Variants in TIA1 observed in about 807,000 individuals in gnomAD.
TIA1 encodes cytotoxic granule associated RNA binding protein TIA1.
In TIA1, 23 loss-of-function variants were observed where a neutral mutation model predicts 65.9. The observed-to-expected ratio is 0.35, with a 90% CI of 0.25 to 0.49. The LOEUF (loss-of-function observed/expected upper bound fraction) is 0.49. TIA1 is among the 20% of genes least tolerant of loss of function. The pLI is 0.98. For missense variants in TIA1, 371 were observed against 477.9 expected (o/e 0.78, Z 2.09); for synonymous variants, 147 against 149.4 (o/e 0.98, Z 0.12).
At position 70,240,764 on chromosome 2, in the gene TIA1, T is replaced by A. The variant is rs914208041; in HGVS notation, c.27-4589A>T. Among the ~76,000 whole-genome samples, 4 of 152,146 alleles carry A rather than the reference T, an allele frequency of 2.6e-5. No homozygotes were observed. The East Asian group carries it at 7.7e-4, about 29-fold the overall frequency. On this transcript the variant is annotated intron_variant, in intron 1 of 12. Coordinates refer to ENST00000433529, the MANE Select transcript of TIA1 (RefSeq NM_022173.4). Reference sequence around the variant, plus strand: ...GCGCATGCCTGTAATCCCAGCTACCTGGGAAGGGGAGGCACAAGAATCACT... The same window carrying A: ...GCGCATGCCTGTAATCCCAGCTACCAGGGAAGGGGAGGCACAAGAATCACT...
chr2:70,212,560 T>C lies in TIA1; in HGVS notation c.*159A>G, dbSNP rs1239801700. On this transcript the variant is annotated 3_prime_UTR_variant, in exon 13 of 13. Coordinates refer to ENST00000433529, the MANE Select transcript of TIA1 (RefSeq NM_022173.4). ...CATCTTGTTTCTTTTTAAAACAATGTGGATGATAAGTAATTTCATGATTAA... is the reference window on the plus strand; with the variant it reads ...CATCTTGTTTCTTTTTAAAACAATGCGGATGATAAGTAATTTCATGATTAA... 2 of 530,636 alleles carry C rather than the reference T, an allele frequency of 3.8e-6. No individual in the cohort carries two copies. The highest frequency in any genetic ancestry group is 5.8e-4 in the Middle Eastern group (1 of 1,732). The allele number at this position is 530,636 out of a possible 1,614,324, so 32.9% of individuals were successfully genotyped here.
chr2:70,237,965 T>TC (rs1689800419), intron 1 of TIA1, among the ~76,000 whole-genome samples: 1 of 151,516 alleles, frequency 6.6e-6, no homozygotes, highest in Admixed American at 6.6e-5. Context: ...ATCAAGACCA[T>TC]CCTGGCTAAC....
chr2:70,223,780 G>A (rs1682606039), intron 7 of TIA1, among the ~76,000 whole-genome samples: 1 of 151,648 alleles, frequency 6.6e-6, no homozygotes, highest in Admixed American at 6.6e-5. Context: ...TATATATTTT[G>A]TAGAGATAGG....
chr2:70,241,771 G>A (rs546504887), intron 1 of TIA1, among the ~76,000 whole-genome samples: 2 of 152,106 alleles, frequency 1.3e-5, no homozygotes, highest in South Asian at 2.1e-4. Flanking sequence ...GATATGCACC[G>A]TCTCTACAAA....
intron 1 of TIA1, among the ~76,000 whole-genome samples, chr2:70,237,084 G>C (rs1689308185): frequency 6.6e-6 from 1 of 152,180 alleles, no homozygotes; most frequent in Non-Finnish European, 1.5e-5. Flanking sequence ...AAATCTCTTT[G>C]AAAACAGATG....
chr2:70,237,823 G>A (rs962349296), intron 1 of TIA1, among the ~76,000 whole-genome samples: 1 of 149,462 alleles, frequency 6.7e-6, no homozygotes, highest in Non-Finnish European at 1.5e-5. Flanking sequence ...CCCCGATCAC[G>A]CCACTGCACT....
At chr2:70,245,137 T>C (rs1198340578) in intron 1 of TIA1, among the ~76,000 whole-genome samples, 1 of 152,092 alleles carries the variant, frequency 6.6e-6, no homozygotes, top group African/African-American at 2.4e-5. Context: ...CTGGCATGTG[T>C]CACCACACCT....
chr2:70,228,894 T>C, intron 5 of TIA1, 165 bp downstream of exon 5: 1 of 1,460,846 alleles, frequency 6.8e-7, no homozygotes, highest in Non-Finnish European at 9.0e-7. Context: ...GCGGACAAGT[T>C]ATACTTGGTC....
At chr2:70,244,047 C>T (rs1693089806) in intron 1 of TIA1, among the ~76,000 whole-genome samples, 1 of 152,158 alleles carries the variant, frequency 6.6e-6, no homozygotes, top group African/African-American at 2.4e-5. Context: ...TTTTCTATCT[C>T]CCCTAACATT....
At chr2:70,248,711 G>T (rs1345663748), upstream of TIA1, 9 of 521,114 alleles carry the variant, frequency 1.7e-5, no homozygotes, top group East Asian at 2.5e-4. Flanking sequence ...CCTCCGGGCC[G>T]CCCGGCTACA....
intron 2 of TIA1, among the ~76,000 whole-genome samples, chr2:70,231,831 G>A (rs1686433812): frequency 6.6e-6 from 1 of 152,144 alleles, no homozygotes; most frequent in African/African-American, 2.4e-5. Flanking sequence ...GAGATTCTCT[G>A]GTAAGTAAAA....
At chr2:70,244,983 C>T (rs371972361) in intron 1 of TIA1, among the ~76,000 whole-genome samples, 96 of 152,060 alleles carry the variant, frequency 6.3e-4, no homozygotes, top group African/African-American at 2.2e-3. Context: ...GCAAGGCCCT[C>T]ATTAGTATAT....
At chr2:70,225,526 G>C (rs759231854) in intron 6 of TIA1, 2 of 887,172 alleles carry the variant, frequency 2.3e-6, no homozygotes, top group Non-Finnish European at 3.0e-6. Context: ...AGTCAGGTAT[G>C]TCACAATGCT....
intron 6 of TIA1, among the ~76,000 whole-genome samples, chr2:70,226,905 A>G (rs988843407): frequency 6.6e-6 from 1 of 152,124 alleles, no homozygotes; most frequent in African/African-American, 2.4e-5. Context: ...GAAAGCTCCT[A>G]AAATTCACCA....
chr2:70,229,986 C>T (rs1033844125), intron 3 of TIA1, among the ~76,000 whole-genome samples: 5 of 150,976 alleles, frequency 3.3e-5, no homozygotes, highest in Non-Finnish European at 7.4e-5. Flanking sequence ...CGCCTGTAAT[C>T]GCAGCACTTT....
intron 7 of TIA1, among the ~76,000 whole-genome samples, chr2:70,222,925 TATA>T (rs945411435): frequency 1.7e-4 from 25 of 151,356 alleles, no homozygotes; most frequent in African/African-American, 5.9e-4. Context: ...AAAAAAAAAT[TATA>T]TTATTTACTC....
intron 2 of TIA1, among the ~76,000 whole-genome samples, chr2:70,234,367 T>A (rs1687854228): frequency 6.6e-6 from 1 of 152,218 alleles, no homozygotes; most frequent in Non-Finnish European, 1.5e-5. Context: ...TCTTTCCCCA[T>A]CTTTCCCTCC....
intron 10 of TIA1, 112 bp downstream of exon 10, chr2:70,216,096 G>T: frequency 9.9e-7 from 1 of 1,006,370 alleles, no homozygotes; most frequent in South Asian, 1.6e-5. Flanking sequence ...TTAAGAAAAC[G>T]AGGTAAATGT....
At chr2:70,226,122 G>A (rs918701703) in intron 6 of TIA1, among the ~76,000 whole-genome samples, 3 of 151,210 alleles carry the variant, frequency 2.0e-5, no homozygotes, top group African/African-American at 7.3e-5. Context: ...TATCTCAATT[G>A]AAAATCATAA....
Sources: gnomAD v4.1 joint callset for allele counts (sites outside exome capture counted in the v4.1 genomes callset) on GRCh38, gnomAD v4.1.1 for gene constraint, MANE v1.5 for transcripts, NCBI Gene and HGNC (gene_info 2026-07-23, HGNC 2026-07-21) for gene names.